The following SCAF4 variants were observed in gnomAD, a reference collection of about 807,000 sequenced individuals.
SCAF4 encodes SR-related and CTD-associated factor 4.
A neutral mutation model predicts 129.8 loss-of-function variants in SCAF4; 25 were observed. The observed-to-expected ratio is 0.19, with a 90% CI of 0.14 to 0.27. The LOEUF (loss-of-function observed/expected upper bound fraction) is 0.27, where lower values mean the gene tolerates loss of function less well. Among genes scored for constraint, SCAF4 ranks in the 10% least tolerant of loss-of-function variants. The pLI is 1.00. For missense variants in SCAF4, 1,246 were observed against 1,457.1 expected, an observed-to-expected ratio of 0.86 and a Z score of 2.36; for synonymous variants, 551 against 497.7, an observed-to-expected ratio of 1.11 and a Z score of -1.43.
At chr21:31,689,041 T>C (rs2050195033) in intron 15 of SCAF4, among the ~76,000 whole-genome samples, 1 of 152,170 alleles carries the variant, frequency 6.6e-6, no homozygotes, top group Non-Finnish European at 1.5e-5. Context: ...CCTATATTCT[T>C]GAGCTTTTCA....
chr21:31,731,592 C>T, intron 1 of SCAF4, 71 bp downstream of exon 1: 2 of 1,543,226 alleles, frequency 1.3e-6, no homozygotes, highest in Non-Finnish European at 1.8e-6. Context: ...CTTTAAACCT[C>T]CGGCGGCGGG....
intron 1 of SCAF4, among the ~76,000 whole-genome samples, chr21:31,718,650 C>T (rs904487970): frequency 6.6e-6 from 1 of 152,190 alleles, no homozygotes. Flanking sequence ...TTTCCTGCTC[C>T]GACTGAGCAG....
intron 19 of SCAF4, among the ~76,000 whole-genome samples, chr21:31,673,160 T>C (rs1246091936): frequency 2.6e-5 from 4 of 152,152 alleles, no homozygotes; most frequent in Admixed American, 2.6e-4. Context: ...CCTATCTACA[T>C]GAGGGTTTGC....
intron 19 of SCAF4, among the ~76,000 whole-genome samples, chr21:31,676,031 G>C (rs962719113): frequency 6.6e-5 from 10 of 152,088 alleles, no homozygotes; most frequent in African/African-American, 2.2e-4. Context: ...ACGCAGTCAG[G>C]GAGACAGATA....
intron 19 of SCAF4, 152 bp from the exon 20 acceptor site, chr21:31,672,506 T>C (rs2049735882): frequency 1.5e-6 from 1 of 668,778 alleles, no homozygotes. Context: ...GTGTGAGGCC[T>C]AGTAACAACC....
intron 1 of SCAF4, among the ~76,000 whole-genome samples, chr21:31,717,902 TATACACACACAC>T (rs1490086639): frequency 0.041 from 3,936 of 95,524 alleles, 91 homozygotes; most frequent in Non-Finnish European, 0.056. Flanking sequence ...TATACACATA[TATACACACACAC>T]ACACACACAC....
intron 1 of SCAF4, among the ~76,000 whole-genome samples, chr21:31,718,315 T>C (rs1179576392): frequency 6.6e-6 from 1 of 152,186 alleles, no homozygotes; most frequent in African/African-American, 2.4e-5. Flanking sequence ...CTTACTTCCA[T>C]ATAAATTCCA....
Position 31,694,974 on chromosome 21 carries a change from G to A in SCAF4, c.1075C>T (p.Leu359Phe). 1 of 1,612,766 alleles carries A rather than the reference G, an allele frequency of 6.2e-7. No individual in the cohort carries two copies. Among genetic ancestry groups the A allele is most frequent in the Non-Finnish European group, 8.5e-7 (1 of 1,179,330 alleles). ...QQDPMHHQVPLPPNGQMPGFG... is the reference protein window; with the variant it reads ...QQDPMHHQVPFPPNGQMPGFG... ...CCTGGCATTTGTCCATTAGGAGGAA[G>A]TGGAACCTTTCATTTTTAAAGAAAG... The change falls in exon 10 of 20, where the codon CTT (leucine) becomes TTT (phenylalanine). Residue 359 changes from leucine (L) to phenylalanine (F), a missense_variant. By Grantham distance (22) the Leu-to-Phe change is conservative. This residue lies in a region of SCAF4 where 236 missense variants were observed against 210.0 expected (regional missense o/e 1.12). Coordinates refer to ENST00000286835, the MANE Select transcript of SCAF4 (RefSeq NM_020706.2).
At chr21:31,698,219 A>C (rs2050435299) in intron 7 of SCAF4, among the ~76,000 whole-genome samples, 1 of 152,220 alleles carries the variant, frequency 6.6e-6, no homozygotes, top group South Asian at 2.1e-4. Context: ...CTTTTTAGGA[A>C]ACTGAAGATC....
rs202121304 is a variant in SCAF4, at chr21:31,699,502, G to GT, written c.777+1492dup. The stretch of plus-strand genomic sequence containing the variant: ...TATTTTATAACTTTCTGTATTATTT[G>GT]TTTTTTTTTTTTTCTGCAAGTATAT... On this transcript the variant is annotated intron_variant, in intron 7 of 19. Coordinates refer to ENST00000286835, the MANE Select transcript of SCAF4 (RefSeq NM_020706.2). Among the ~76,000 whole-genome samples, 843 of 133,692 alleles carry GT rather than the reference G, an allele frequency of 6.3e-3. 2 individuals carry two copies. Among genetic ancestry groups the GT allele is most frequent in the African/African-American group, 0.012 (416 of 34,176 alleles). The allele number at this position is 133,692 out of a possible 152,430, so 87.7% of individuals were successfully genotyped here. A position where few individuals can be genotyped will look rare whatever the true frequency, so the allele number is the denominator to read the frequency against.
intron 15 of SCAF4, among the ~76,000 whole-genome samples, chr21:31,688,690 T>G (rs1318074636): frequency 1.3e-5 from 2 of 152,208 alleles, no homozygotes; most frequent in Non-Finnish European, 1.5e-5. Context: ...ACTAGCTTAT[T>G]TAGTTCTCAC....
chr21:31,702,759 G>A (rs577500175), intron 4 of SCAF4, among the ~76,000 whole-genome samples: 119 of 152,182 alleles, frequency 7.8e-4, no homozygotes, highest in Non-Finnish European at 1.4e-3. Context: ...TTAAGCAACT[G>A]GCCTGTAGTC....
chr21:31,712,785 C>T (rs2050836117), intron 1 of SCAF4: 1 of 524,124 alleles, frequency 1.9e-6, no homozygotes, highest in Non-Finnish European at 2.4e-6. Context: ...CCACCTCGGC[C>T]TCCCAAAGTG....
intron 19 of SCAF4, among the ~76,000 whole-genome samples, chr21:31,673,720 T>C (rs1159244919): frequency 2.0e-5 from 3 of 152,222 alleles, no homozygotes; most frequent in African/African-American, 7.2e-5. Context: ...TGTAAAGAAA[T>C]AGTGTAGTTC....
At chr21:31,706,739 G>A (rs2050673021) in intron 1 of SCAF4, 1 of 233,102 alleles carries the variant, frequency 4.3e-6, no homozygotes, top group East Asian at 1.4e-4. Flanking sequence ...GGAAAGGGAG[G>A]GGGAGCAAAG....
At chr21:31,723,620 G>GT (rs1230646959) in intron 1 of SCAF4, among the ~76,000 whole-genome samples, 1 of 142,144 alleles carries the variant, frequency 7.0e-6, no homozygotes, top group Admixed American at 7.3e-5. Flanking sequence ...ATGTGTGTGT[G>GT]TGTGTGTGTG....
rs532225927 is a variant in SCAF4 at position 31,726,773 on chromosome 21, G to A, written c.30+4890C>T. Among the ~76,000 whole-genome samples the A allele has an allele frequency of 2.6e-5, 4 of 152,312 alleles. No individual in the cohort carries two copies. In the South Asian group the frequency reaches 6.2e-4, roughly 24 times the overall value. ...ATGTTTGAAAAGTTCATTGCAGCCT[G>A]TCAGCAAAATATTAACTAATCTTAA... On this transcript the variant is annotated intron_variant, in intron 1 of 19. Coordinates refer to ENST00000286835, the MANE Select transcript of SCAF4 (RefSeq NM_020706.2).
At chr21:31,721,657 C>CTT (rs1367111318) in intron 1 of SCAF4, among the ~76,000 whole-genome samples, 1 of 151,348 alleles carries the variant, frequency 6.6e-6, no homozygotes. Flanking sequence ...AGTGGGTGAA[C>CTT]TATCAAGACT....
At chr21:31,707,078 A>ATTTTTGGTACTTTATTTTTTGGT (rs2050683518) in intron 1 of SCAF4, among the ~76,000 whole-genome samples, 1 of 152,152 alleles carries the variant, frequency 6.6e-6, no homozygotes, top group Admixed American at 6.5e-5. Flanking sequence ...TTTTTGGTAC[A>ATTTTTGGTACTTTATTTTTTGGT]ACCAGAACAG....
Sources: allele counts gnomAD v4.1 joint callset (sites outside exome capture counted in the v4.1 genomes callset), GRCh38; gene constraint gnomAD v4.1.1; regional missense constraint gnomAD v4.1.1; transcripts MANE v1.5; gene names NCBI Gene and HGNC (gene_info 2026-07-23, HGNC 2026-07-21).